Variants in TTN observed in about 807,000 individuals in gnomAD.
TTN encodes titin.
Under a neutral mutation model 3,223.0 loss-of-function variants are expected in TTN, and 1,525 were observed. The ratio of observed to expected loss-of-function variants is 0.47; its 90% CI spans 0.45 to 0.49. TTN has a LOEUF of 0.49. TTN is among the 20% of genes least tolerant of loss of function. The pLI is 0.00. For missense variants in TTN, 40,786 were observed against 43,424.0 expected (o/e 0.94, Z 5.40); for synonymous variants, 14,094 against 15,161.0 (o/e 0.93, Z 5.17).
rs1331457272 is a variant in TTN, at chr2:178,777,260, T to G, written c.4703A>C (p.Lys1568Thr). 6.2e-7 allele frequency: 1 copy of G among 1,614,116 alleles called. No homozygotes were observed. The highest frequency in any genetic ancestry group is 1.1e-5 in the South Asian group (1 of 91,084). ...TTTCATTTCAAGTCGGGAACCTTCCTTTATATTGACATTTTTCAGTTTTTC... is the reference window on the plus strand; with the variant it reads ...TTTCATTTCAAGTCGGGAACCTTCCGTTATATTGACATTTTTCAGTTTTTC... ...FVEKLKNVNI[K>T]EGSRLEMKVR... Residue 1568 changes from lysine (K) to threonine (T), a missense_variant, in exon 27 of 363, where the codon AAG becomes ACG. Lys to Thr is a moderately conservative substitution (Grantham distance 78). Transcript: ENST00000589042.
At chr2:178,650,970 G>C in intron 208 of TTN, 136 bp from the exon 209 acceptor site, 4 of 955,648 alleles carry the variant, frequency 4.2e-6, no homozygotes, top group Non-Finnish European at 4.8e-6. Flanking sequence ...TCAGTGATCT[G>C]TCTTTGGACC....
intron 49 of TTN, among the ~76,000 whole-genome samples, chr2:178,737,766 T>G (rs1414588747): frequency 1.3e-5 from 2 of 152,202 alleles, no homozygotes; most frequent in Admixed American, 1.3e-4. Context: ...TTAAATACAT[T>G]GAGACATTAT....
At chr2:178,752,403 G>A (rs1323459755) in intron 47 of TTN, among the ~76,000 whole-genome samples, 1 of 151,912 alleles carries the variant, frequency 6.6e-6, no homozygotes, top group African/African-American at 2.4e-5. Flanking sequence ...TGGAATAAAC[G>A]CCCTTTCTGA....
In TTN at chr2:178,552,704, C is replaced by CA; in HGVS notation, c.90195dup (p.Val30066CysfsTer7). 1 of 1,613,934 alleles carries CA rather than the reference C, an allele frequency of 6.2e-7. No individual in the cohort carries two copies. Among genetic ancestry groups the CA allele is most frequent in the Non-Finnish European group, 8.5e-7 (1 of 1,179,838 alleles). ...TCACCTTTACCTTTCCTTTCTACAA[C>CA]ATATTCTGTGATGACGCTACCACCA... On this transcript the variant is annotated frameshift_variant, in exon 335 of 363. Coordinates refer to ENST00000589042, the MANE Select transcript of TTN (RefSeq NM_001267550.2). LOFTEE classifies it high-confidence loss of function.
Position 178,800,552 on chromosome 2 carries a change from G to A in TTN, c.426C>T (p.Ala142=), listed in dbSNP as rs56137037. The change falls in exon 4 of 363, where the codon GCC becomes GCT. Residue 142 remains alanine (A), a synonymous_variant. Transcript: ENST00000589042. ...TPVVKFYRDG[A]EIQSSLDFQI... ...GGAAATCAAGGGAGCTCTGGATTTC[G>A]GCTCCATCCCGGTAGAACTTCACCA... is the stretch of plus-strand genomic sequence containing the variant. 3,938 of 1,614,108 alleles carry A rather than the reference G, an allele frequency of 2.4e-3. 59 individuals are homozygous for A. The highest frequency in any genetic ancestry group is 0.022 in the South Asian group (2,037 of 91,078).
chr2:178,708,564 T>C (rs2076205018), intron 99 of TTN, among the ~76,000 whole-genome samples: 1 of 152,248 alleles, frequency 6.6e-6, no homozygotes, highest in South Asian at 2.1e-4. Flanking sequence ...AAAAACATTT[T>C]ATAAATAGCT....
At position 178,778,902 on chromosome 2, in the gene TTN, G is replaced by A. The variant is rs2092507887; in HGVS notation, c.4180C>T (p.Pro1394Ser). Residue 1394 changes from proline (P) to serine (S), a missense_variant, in exon 24 of 363, where the codon CCC becomes TCC. Pro to Ser is a moderately conservative substitution (Grantham distance 74). Transcript: ENST00000589042. Reference sequence around the variant, plus strand: ...ATTCTGCTCACTGGCTCTAGTGTGGGAATGTAAGTCGGAGCTCCAAGTGGT... The same window carrying A: ...ATTCTGCTCACTGGCTCTAGTGTGGAAATGTAAGTCGGAGCTCCAAGTGGT... Reference protein sequence around the residue: ...AAPLGAPTYIPTLEPVSRIRS... With the variant: ...AAPLGAPTYISTLEPVSRIRS... 1 of 1,613,912 alleles carries A rather than the reference G, an allele frequency of 6.2e-7. No homozygotes were observed. Among genetic ancestry groups the A allele is most frequent in the Non-Finnish European group, 8.5e-7 (1 of 1,179,900 alleles).
At chr2:178,798,082 CTGGACTCTCTGTTTT>C (rs2093865867) in intron 6 of TTN, among the ~76,000 whole-genome samples, 1 of 152,036 alleles carries the variant, frequency 6.6e-6, no homozygotes, top group African/African-American at 2.4e-5. Context: ...GGATCTCTTT[CTGGACTCTCTGTTTT>C]GTTCCCCTGG....
chr2:178,542,464 G>A lies in TTN; in HGVS notation c.97292C>T (p.Pro32431Leu), dbSNP rs1060500426. The change falls in exon 349 of 363, where the codon CCA (proline) becomes CTA (leucine). Residue 32431 changes from proline (P) to leucine (L), a missense_variant. By Grantham distance (98) the Pro-to-Leu change is moderately conservative (BLOSUM62 -3). Transcript: ENST00000589042. ...TTGTTCTACCACATAACCACTCAGT[G>A]GAGCACCACCGTCCAATTCAGGTGG... ...WEPPELDGGA[P>L]LSGYVVEQRD... 3.1e-6 allele frequency: 5 copies of A among 1,613,668 alleles called. No individual in the cohort carries two copies. In the Admixed American group the frequency reaches 8.3e-5, roughly 27 times the overall value.
At position 178,766,563 on chromosome 2, in the gene TTN, T is replaced by G; in HGVS notation, c.9521A>C (p.Asp3174Ala). 1 of 1,614,078 alleles carries G rather than the reference T, an allele frequency of 6.2e-7. No individual in the cohort carries two copies. Among genetic ancestry groups the G allele is most frequent in the Non-Finnish European group, 8.5e-7 (1 of 1,179,992 alleles). Residue 3174 changes from aspartate (D) to alanine (A), a missense_variant, in exon 41 of 363, where the codon GAT becomes GCT. Physicochemically the swap from Asp to Ala is moderately radical, Grantham distance 126 (BLOSUM62 -2). Transcript: ENST00000589042. ...ATCTTTATACCAGTGGGCATCAACA[T>G]CGTCTTCATTGACCTCAAATTCAAC... ...AVVEFEVNED[D>A]VDAHWYKDGI...
chr2:178,563,123 A>G lies in TTN; in HGVS notation c.83009T>C (p.Ile27670Thr), dbSNP rs544650970. Reference protein sequence around the residue: ...LPGSVVAQERIEPPEIELDAD... With the variant: ...LPGSVVAQERTEPPEIELDAD... ...ATCGAGTTCTATTTCTGGTGGCTCT[A>G]TCCTCTCCTGAGCAACCACTGAGCC... Residue 27670 changes from isoleucine (I) to threonine (T), a missense_variant, in exon 326 of 363, where the codon ATA becomes ACA. Physicochemically the swap from Ile to Thr is moderately conservative, Grantham distance 89. Transcript: ENST00000589042. This position sits in a 1 kb window ranked among gnomAD's most constrained non-coding sequence, Gnocchi z 4.5. 1.0e-4 allele frequency: 165 copies of G among 1,613,696 alleles called. No individual in the cohort carries two copies. Among genetic ancestry groups the G allele is most frequent in the African/African-American group, 1.3e-4 (10 of 75,010 alleles).
intron 250 of TTN, chr2:178,619,394 C>G: frequency 1.8e-6 from 1 of 568,082 alleles, no homozygotes; most frequent in Non-Finnish European, 3.0e-6. Flanking sequence ...AAATAGTCAT[C>G]ATGTACTAGC....
intron 37 of TTN, among the ~76,000 whole-genome samples, chr2:178,769,328 A>G (rs977469968): frequency 1.3e-5 from 2 of 151,792 alleles, no homozygotes; most frequent in African/African-American, 2.4e-5. Context: ...ATTGTGGCTC[A>G]CTGCAGCCTT....
intron 88 of TTN, among the ~76,000 whole-genome samples, chr2:178,716,362 A>G (rs191015299): frequency 1.8e-4 from 28 of 152,292 alleles, no homozygotes; most frequent in Non-Finnish European, 2.9e-5. Context: ...AAATTCAGGC[A>G]TAGGGAAGTA....
At position 178,565,194 on chromosome 2, in the gene TTN, C is replaced by T; in HGVS notation, c.80938G>A (p.Val26980Ile). 3 of 1,613,564 alleles carry T rather than the reference C, an allele frequency of 1.9e-6. No homozygotes were observed. The highest frequency in any genetic ancestry group is 2.5e-6 in the Non-Finnish European group (3 of 1,179,664). Residue 26980 changes from valine to isoleucine, a missense_variant, in exon 326 of 363, where the codon GTT (valine) becomes ATT (isoleucine). By Grantham distance (29) the Val-to-Ile change is conservative. Transcript: ENST00000589042. Reference sequence around the variant, plus strand: ...TCTGCACTAACTTCATCAAACCGAACTGGGCCAACTGGAGGTCCAGGCTTT... The same window carrying T: ...TCTGCACTAACTTCATCAAACCGAATTGGGCCAACTGGAGGTCCAGGCTTT... The part of the protein sequence containing the change: ...LEKPGPPVGP[V>I]RFDEVSADFV...
At position 178,594,644 on chromosome 2, in the gene TTN, CA is replaced by C. The variant is rs776385412; in HGVS notation, c.57849del (p.Val19284TyrfsTer18). The C allele has an allele frequency of 1.9e-6, 3 of 1,595,430 alleles. No homozygotes were observed. In the African/African-American group the frequency reaches 4.1e-5, roughly 22 times the overall value. ...TCCAGGTCTTCAGGACGCTCTGGTACAGCTGCGAATATAAGTATAGGAATTG... is the reference window on the plus strand; with the variant it reads ...TCCAGGTCTTCAGGACGCTCTGGTACGCTGCGAATATAAGTATAGGAATTG... ...SEALVIREPI[T>X]VPERPEDLEV... On this transcript the variant is annotated frameshift_variant and splice_region_variant, in exon 296 of 363. Transcript: ENST00000589042. LOFTEE classifies it high-confidence loss of function.
In TTN at chr2:178,723,198, A is replaced by T; in HGVS notation, c.21809T>A (p.Ile7270Lys). The change falls in exon 75 of 363, where the codon ATA (isoleucine) becomes AAA (lysine). Residue 7270 changes from isoleucine (I) to lysine (K), a missense_variant. By Grantham distance (102) the Ile-to-Lys change is moderately radical. Coordinates refer to ENST00000589042, the MANE Select transcript of TTN (RefSeq NM_001267550.2). Reference sequence around the variant, plus strand: ...TATGTTACATTTTTCAGAGGTAGTTATGTTAAAACCATCCTTTTTCCAAGT... The same window carrying T: ...TATGTTACATTTTTCAGAGGTAGTTTTGTTAAAACCATCCTTTTTCCAAGT... The part of the protein sequence containing the change: ...SVTWKKDGFN[I>K]TTSEKCNIVT... 1 of 1,613,496 alleles carries T rather than the reference A, an allele frequency of 6.2e-7. No individual in the cohort carries two copies. Among genetic ancestry groups the T allele is most frequent in the Non-Finnish European group, 8.5e-7 (1 of 1,179,626 alleles).
At chr2:178,762,427 AC>A (rs1176661265) in intron 43 of TTN, among the ~76,000 whole-genome samples, 1 of 152,146 alleles carries the variant, frequency 6.6e-6, no homozygotes, top group African/African-American at 2.4e-5. Flanking sequence ...TTCTCTTTCT[AC>A]CCCAATTGGT....
chr2:178,711,338 G>A lies in TTN; in HGVS notation c.27898C>T (p.Pro9300Ser). 1 of 1,605,118 alleles carries A rather than the reference G, an allele frequency of 6.2e-7. No homozygotes were observed. The highest frequency in any genetic ancestry group is 8.5e-7 in the Non-Finnish European group (1 of 1,174,720). Reference sequence around the variant, plus strand: ...CTCAATTGTCGAGAAAATGATGGTGGAAGTTTTTGCTCTGTAGGAACAGAA... The same window carrying A: ...CTCAATTGTCGAGAAAATGATGGTGAAAGTTTTTGCTCTGTAGGAACAGAA... Reference protein sequence around the residue: ...TFLTVQEQKLPPSFSRQLRDV... With the variant: ...TFLTVQEQKLSPSFSRQLRDV... The change falls in exon 97 of 363, where the codon CCA (proline) becomes TCA (serine). Residue 9300 changes from proline to serine, a missense_variant. Transcript: ENST00000589042.
Sources: allele counts gnomAD v4.1 joint callset (sites outside exome capture counted in the v4.1 genomes callset), GRCh38; gene constraint gnomAD v4.1.1; non-coding constraint Gnocchi (gnomAD v3.1); transcripts MANE v1.5; gene names NCBI Gene and HGNC (gene_info 2026-07-23, HGNC 2026-07-21).